ADCY9: variants seen among roughly 807,000 people sequenced by gnomAD.
ADCY9 encodes the protein adenylate cyclase type 9.
In ADCY9, 50 loss-of-function variants were observed where a neutral mutation model predicts 101.5. That is an observed-to-expected ratio of 0.49 (90% confidence interval 0.39 to 0.62). The LOEUF (loss-of-function observed/expected upper bound fraction) is 0.62. Among genes scored for constraint, ADCY9 ranks in the 20% least tolerant of loss-of-function variants. The pLI is 0.00. For missense variants in ADCY9, 1,662 were observed against 1,800.4 expected (o/e 0.92, Z 1.39); for synonymous variants, 905 against 769.3 (o/e 1.18, Z -2.92).
At chr16:4,087,766 G>A (rs1032497508) in intron 2 of ADCY9, among the ~76,000 whole-genome samples, 2 of 151,152 alleles carry the variant, frequency 1.3e-5, no homozygotes, top group African/African-American at 4.9e-5. Flanking sequence ...GTTACTATTT[G>A]CTCGGATACT....
chr16:4,065,365 C>G (rs1351845399), intron 2 of ADCY9, among the ~76,000 whole-genome samples: 1 of 152,210 alleles, frequency 6.6e-6, no homozygotes, highest in Non-Finnish European at 1.5e-5. Context: ...CGTTTCCTTT[C>G]AAATACTTGA....
chr16:4,040,687 C>T (rs2056620926), intron 2 of ADCY9, among the ~76,000 whole-genome samples: 1 of 152,144 alleles, frequency 6.6e-6, no homozygotes, highest in Admixed American at 6.5e-5. Context: ...GAACTCCTGA[C>T]CTCAGGTGAT....
chr16:4,017,965 G>A (rs1383129348), intron 2 of ADCY9, among the ~76,000 whole-genome samples: 2 of 152,214 alleles, frequency 1.3e-5, no homozygotes, highest in Non-Finnish European at 2.9e-5. Context: ...ACACCCGCAC[G>A]CCAGACGCTT....
chr16:4,103,141 T>G (rs2057054494), intron 2 of ADCY9, among the ~76,000 whole-genome samples: 1 of 152,256 alleles, frequency 6.6e-6, no homozygotes, highest in Non-Finnish European at 1.5e-5. Context: ...ACTTGCTATT[T>G]CCACAGGCAA....
chr16:3,992,039 G>T lies in ADCY9; in HGVS notation c.2207+107C>A. 8.7e-7 allele frequency: 1 copy of T among 1,148,660 alleles called. No individual in the cohort carries two copies. The highest frequency in any genetic ancestry group is 1.2e-6 in the Non-Finnish European group (1 of 806,688). 71.2% of individuals were successfully genotyped at this position (1,148,660 alleles called of 1,614,324 possible). Reference sequence around the variant, plus strand: ...TGAGCCAAGATCGCGCCACTGCACTGCAGCCTGGATGACAGAGCGAGACTC... The same window carrying T: ...TGAGCCAAGATCGCGCCACTGCACTTCAGCCTGGATGACAGAGCGAGACTC... On this transcript the variant is annotated intron_variant, in intron 5 of 10. Transcript: ENST00000294016. This position sits in a 1 kb window ranked among gnomAD's most constrained non-coding sequence, Gnocchi z 4.2.
chr16:3,985,363 C>T (rs904650139), intron 6 of ADCY9, among the ~76,000 whole-genome samples: 3 of 152,136 alleles, frequency 2.0e-5, no homozygotes, highest in African/African-American at 7.2e-5. Flanking sequence ...TGGTCTCTAT[C>T]TCGACCTCGT....
At chr16:3,986,223 C>A (rs936332450) in intron 6 of ADCY9, among the ~76,000 whole-genome samples, 1 of 152,216 alleles carries the variant, frequency 6.6e-6, no homozygotes, top group Admixed American at 6.5e-5. Flanking sequence ...ACCTTGTGGG[C>A]GGTGGGATGC....
chr16:4,070,348 C>G (rs1292784359), intron 2 of ADCY9, among the ~76,000 whole-genome samples: 2 of 152,204 alleles, frequency 1.3e-5, no homozygotes, highest in East Asian at 3.9e-4. Context: ...AAGACAAACA[C>G]ACATGTATTT....
chr16:4,082,525 G>A (rs1289122667), intron 2 of ADCY9, among the ~76,000 whole-genome samples: 1 of 152,022 alleles, frequency 6.6e-6, no homozygotes, highest in Admixed American at 6.6e-5. Context: ...TTCTGCTTGG[G>A]GTATCTCCCT....
rs746422945 is a variant in ADCY9, at chr16:3,974,736, TATC to T, written c.2829-29_2829-27del. On this transcript the variant is annotated intron_variant, in intron 9 of 10. Coordinates refer to ENST00000294016, the MANE Select transcript of ADCY9 (RefSeq NM_001116.4). ...CTGAAATTAAAATGCAGAAAAATAT[TATC>T]ATAAAGAGCAAAGAAGGCATTCCAC... is the stretch of plus-strand genomic sequence containing the variant. 4 of 1,598,408 alleles carry T rather than the reference TATC, an allele frequency of 2.5e-6. No homozygotes were observed. In the South Asian group the frequency reaches 3.3e-5, roughly 13 times the overall value.
At chr16:4,054,734 C>T (rs931440119) in intron 2 of ADCY9, among the ~76,000 whole-genome samples, 1 of 152,164 alleles carries the variant, frequency 6.6e-6, no homozygotes, top group Admixed American at 6.5e-5. Flanking sequence ...CCATGCCCGG[C>T]TAATTTTGTA....
downstream of ADCY9, among the ~76,000 whole-genome samples, chr16:3,958,673 C>CTATTT (rs1555504687): frequency 2.8e-4 from 29 of 102,998 alleles, no homozygotes; most frequent in African/African-American, 1.1e-3. Context: ...TCGTCGGTTA[C>CTATTT]TTTTTTTTTT....
At chr16:4,057,035 A>ACCCCCC (rs1326474279) in intron 2 of ADCY9, among the ~76,000 whole-genome samples, 3 of 78,944 alleles carry the variant, frequency 3.8e-5, no homozygotes, top group African/African-American at 1.5e-4. Flanking sequence ...TACTGATGAA[A>ACCCCCC]CCGCCCCCCC....
Position 3,974,692 on chromosome 16 carries a change from G to A in ADCY9, c.2847C>T (p.Pro949=), listed in dbSNP as rs1295585341. 6.2e-7 allele frequency: 1 copy of A among 1,612,860 alleles called. No homozygotes were observed. Among genetic ancestry groups the A allele is most frequent in the South Asian group, 1.1e-5 (1 of 91,000 alleles). Residue 949 remains proline, a synonymous_variant, in exon 10 of 11, where the codon CCC becomes CCT. Coordinates refer to ENST00000294016, the MANE Select transcript of ADCY9 (RefSeq NM_001116.4). The stretch of plus-strand genomic sequence containing the variant: ...ACCTGAAATTCTGTACTGCGTCAAG[G>A]GGCGAAGTTAATACAGAACTGAAAT... The part of the protein sequence containing the change: ...LCPDSSVLTS[P]LDAVQNFSSE...
chr16:4,093,385 T>TA (rs2056984862), intron 2 of ADCY9, among the ~76,000 whole-genome samples: 3 of 152,200 alleles, frequency 2.0e-5, no homozygotes, highest in Non-Finnish European at 4.4e-5. Flanking sequence ...GGCTACTGTT[T>TA]AAAAACAAAC....
chr16:4,001,455 C>T (rs1482443415), intron 3 of ADCY9, among the ~76,000 whole-genome samples: 2 of 152,184 alleles, frequency 1.3e-5, no homozygotes, highest in African/African-American at 4.8e-5. Flanking sequence ...ACTAGGGTAC[C>T]GGATGGCAGT....
rs77550523 is a variant in ADCY9, at chr16:3,977,433, G to T, written c.2828+49C>A. ...GCAGCCAGGCCCTACGCAACCTCGG[G>T]CAAGGTGGCCACGCACCCTGGTGCC... On this transcript the variant is annotated intron_variant, in intron 9 of 10. Transcript: ENST00000294016. 2.7e-3 allele frequency: 4,071 copies of T among 1,532,796 alleles called. 98 individuals carry two copies. In the African/African-American group the frequency reaches 0.05, roughly 19 times the overall value. The allele number at this position is 1,532,796 out of a possible 1,614,324, so 94.9% of individuals were successfully genotyped here. A position where few individuals can be genotyped will look rare whatever the true frequency, so the allele number is the denominator to read the frequency against.
chr16:4,080,781 G>T (rs886474193), intron 2 of ADCY9, among the ~76,000 whole-genome samples: 1 of 150,242 alleles, frequency 6.7e-6, no homozygotes, highest in East Asian at 1.9e-4. Flanking sequence ...GGCAACCAAG[G>T]TCCCGTAGAG....
chr16:3,985,650 C>A (rs2056185856), intron 6 of ADCY9, among the ~76,000 whole-genome samples: 1 of 152,176 alleles, frequency 6.6e-6, no homozygotes, highest in Non-Finnish European at 1.5e-5. Flanking sequence ...AGAGCCCACA[C>A]CTCCCACCTT....
Sources: gnomAD v4.1 joint callset for allele counts (sites outside exome capture counted in the v4.1 genomes callset) on GRCh38, gnomAD v4.1.1 for gene constraint, Gnocchi (gnomAD v3.1) non-coding constraint, MANE v1.5 for transcripts, NCBI Gene and HGNC (gene_info 2026-07-23, HGNC 2026-07-21) for gene names.